The following CYP4X1 variants were observed in gnomAD, a reference collection of about 807,000 sequenced individuals.
CYP4X1 encodes cytochrome P450 family 4 subfamily X member 1.
In CYP4X1, 44 loss-of-function variants were observed where a neutral mutation model predicts 57.9. The ratio of observed to expected loss-of-function variants is 0.76; its 90% CI spans 0.60 to 0.98. The LOEUF (loss-of-function observed/expected upper bound fraction) is 0.98, where lower values mean the gene tolerates loss of function less well. CYP4X1 is among the 50% of genes least tolerant of loss of function. The pLI is 0.00. For missense variants in CYP4X1, 532 were observed against 623.9 expected, an observed-to-expected ratio of 0.85 and a Z score of 1.57; for synonymous variants, 227 against 228.6, an observed-to-expected ratio of 0.99 and a Z score of 0.06.
intron 8 of CYP4X1, among the ~76,000 whole-genome samples, chr1:47,041,087 A>G (rs145353238): frequency 1.2e-3 from 186 of 152,278 alleles, no homozygotes; most frequent in African/African-American, 4.2e-3. Flanking sequence ...AATGTCATCC[A>G]AATTCATCTC....
intron 6 of CYP4X1, among the ~76,000 whole-genome samples, chr1:47,036,645 A>T (rs1644187119): frequency 1.3e-5 from 2 of 152,264 alleles, no homozygotes; most frequent in East Asian, 3.9e-4. Flanking sequence ...AAGCAATTCA[A>T]CATTACTTGT....
Position 47,036,115 on chromosome 1 carries a change from T to A in CYP4X1, c.719T>A (p.Leu240His). ...LLYHSDIIFKLSPQGYRFQKL... is the reference protein window; with the variant it reads ...LLYHSDIIFKHSPQGYRFQKL... ...TATCACAGTGACATAATTTTCAAAC[T>A]CAGCCCTCAGGGCTACCGCTTCCAG... Residue 240 changes from leucine (L) to histidine (H), a missense_variant, in exon 6 of 12, where the codon CTC becomes CAC. Transcript: ENST00000371901. The A allele has an allele frequency of 2.5e-6, 4 of 1,613,756 alleles. No homozygotes were observed. The highest frequency in any genetic ancestry group is 3.4e-6 in the Non-Finnish European group (4 of 1,179,782).
At chr1:46,972,434 C>G in the CYP4X1 span, among the ~76,000 whole-genome samples, 1 of 152,166 alleles carries the variant, frequency 6.6e-6, no homozygotes, top group Admixed American at 6.5e-5. Flanking sequence ...TTTTGTGGTT[C>G]CAAATGAATT....
At position 47,050,113 on chromosome 1, in the gene CYP4X1, AT is replaced by A. The variant is rs774377846; in HGVS notation, c.1473del (p.Phe491LeufsTer13). 6.2e-7 allele frequency: 1 copy of A among 1,613,960 alleles called. No individual in the cohort carries two copies. The highest frequency in any genetic ancestry group is 1.3e-5 in the African/African-American group (1 of 74,956). Reference sequence around the variant, plus strand: ...ACCAGGCCTCTTACTTTCCCCAACCATTTTATCCTCAAGCCCAAGAATGGGA... The same window carrying A: ...ACCAGGCCTCTTACTTTCCCCAACCATTTATCCTCAAGCCCAAGAATGGGA... Reference protein sequence around the residue: ...DPTRPLTFPNHFILKPKNGMY... With the variant: ...DPTRPLTFPNXFILKPKNGMY... On this transcript the variant is annotated frameshift_variant, in exon 12 of 12. Coordinates refer to ENST00000371901, the MANE Select transcript of CYP4X1 (RefSeq NM_178033.2). LOFTEE classifies it high-confidence loss of function.
downstream of CYP4X1, among the ~76,000 whole-genome samples, chr1:47,053,336 G>C (rs567215344): frequency 1.3e-5 from 2 of 152,256 alleles, no homozygotes; most frequent in South Asian, 4.1e-4. Flanking sequence ...ATTTGGATTG[G>C]TTCCAAGTCT....
chr1:47,027,084 T>G (rs1224035650), intron 1 of CYP4X1, among the ~76,000 whole-genome samples: 1 of 152,158 alleles, frequency 6.6e-6, no homozygotes, highest in Non-Finnish European at 1.5e-5. Context: ...TTTGTTAAAT[T>G]TATTTGTTTT....
the CYP4X1 span, among the ~76,000 whole-genome samples, chr1:46,981,302 C>G: frequency 3.9e-4 from 60 of 152,200 alleles, no homozygotes; most frequent in African/African-American, 1.3e-3. Flanking sequence ...ATCAGACACT[C>G]CATCAAAAAG....
At chr1:46,994,758 C>T in the CYP4X1 span, among the ~76,000 whole-genome samples, 2 of 152,330 alleles carry the variant, frequency 1.3e-5, no homozygotes, top group East Asian at 1.9e-4. Context: ...CTGTCCATAT[C>T]ACTCAAAAAT....
At chr1:47,054,952 C>T (rs1290183361), downstream of CYP4X1, among the ~76,000 whole-genome samples, 2 of 152,152 alleles carry the variant, frequency 1.3e-5, no homozygotes, top group Non-Finnish European at 2.9e-5. Flanking sequence ...ACTTCCAACA[C>T]TATGTTGAAT....
the CYP4X1 span, among the ~76,000 whole-genome samples, chr1:46,977,732 C>A: frequency 3.3e-5 from 5 of 152,014 alleles, no homozygotes; most frequent in South Asian, 1.0e-3. Flanking sequence ...AGAGAACGGT[C>A]GGGTTACCAA....
At chr1:46,981,537 G>A in the CYP4X1 span, among the ~76,000 whole-genome samples, 2 of 152,294 alleles carry the variant, frequency 1.3e-5, no homozygotes, top group Non-Finnish European at 2.9e-5. Flanking sequence ...GTTGGTGGGA[G>A]TGTAAACTAG....
chr1:47,029,918 A>C, intron 1 of CYP4X1, 72 bp from the exon 2 acceptor site: 2 of 1,554,524 alleles, frequency 1.3e-6, no homozygotes, highest in Non-Finnish European at 8.7e-7. Context: ...CAGGTCCTGA[A>C]CTCAGCTTGT....
intron 10 of CYP4X1, among the ~76,000 whole-genome samples, 181 bp from the exon 11 acceptor site, chr1:47,049,212 TATTTATATTGATTACAGGTTGGAATGGTA>T (rs1028575769): frequency 6.6e-6 from 1 of 152,238 alleles, no homozygotes; most frequent in African/African-American, 2.4e-5. Context: ...TTTTAGTAAT[TATTTATATTGATTACAGGTTGGAATGGTA>T]ATTTTTGGTT....
chr1:46,967,804 C>G, the CYP4X1 span: 1 of 1,363,460 alleles, frequency 7.3e-7, no homozygotes, highest in East Asian at 2.7e-5. Flanking sequence ...CAGCTCAAAG[C>G]GGAGCAGGGT....
chr1:47,044,987 G>A (rs748350302), intron 8 of CYP4X1, among the ~76,000 whole-genome samples: 2 of 151,916 alleles, frequency 1.3e-5, no homozygotes, highest in African/African-American at 2.4e-5. Context: ...CACCATGCTC[G>A]GCTAATTTTG....
At chr1:47,002,211 T>A in the CYP4X1 span, among the ~76,000 whole-genome samples, 13 of 152,232 alleles carry the variant, frequency 8.5e-5, no homozygotes, top group Admixed American at 8.5e-4. Context: ...CAAGGCAGGG[T>A]CAGTACCTGT....
the CYP4X1 span, among the ~76,000 whole-genome samples, chr1:47,008,410 G>C: frequency 3.9e-5 from 6 of 152,158 alleles, no homozygotes; most frequent in African/African-American, 1.4e-4. Context: ...CCTTACAAGA[G>C]CTCCTGAAGG....
At chr1:47,019,640 C>T (rs1188263402), upstream of CYP4X1, among the ~76,000 whole-genome samples, 2 of 152,156 alleles carry the variant, frequency 1.3e-5, no homozygotes, top group Non-Finnish European at 2.9e-5. Context: ...ATTGCAATAG[C>T]ATCAGAACTG....
Position 47,050,029 on chromosome 1 carries a change from T to C in CYP4X1, c.1385T>C (p.Ile462Thr), listed in dbSNP as rs760531663. 10 of 1,614,036 alleles carry C rather than the reference T, an allele frequency of 6.2e-6. No individual in the cohort carries two copies. In the Admixed American group the frequency reaches 1.0e-4, roughly 16 times the overall value. Residue 462 changes from isoleucine to threonine, a missense_variant, in exon 12 of 12, where the codon ATT (isoleucine) becomes ACT (threonine). Transcript: ENST00000371901. ...RNCIGQEFAMIELKVTIALIL... is the reference protein window; with the variant it reads ...RNCIGQEFAMTELKVTIALIL... ...TGCATTGGGCAGGAGTTTGCCATGA[T>C]TGAGTTAAAGGTAACCATTGCCTTG...
Sources: allele counts gnomAD v4.1 joint callset (sites outside exome capture counted in the v4.1 genomes callset), GRCh38; gene constraint gnomAD v4.1.1; transcripts MANE v1.5; gene names NCBI Gene and HGNC (gene_info 2026-07-23, HGNC 2026-07-21).